Variants in CPEB1 observed in about 807,000 individuals in gnomAD.
CPEB1 encodes cytoplasmic polyadenylation element-binding protein 1.
CPEB1 carries 7 observed loss-of-function variants against 65.8 expected under a neutral mutation model. The ratio of observed to expected loss-of-function variants is 0.11; its 90% CI spans 0.06 to 0.20. CPEB1 has a LOEUF of 0.20. Ranked by LOEUF, CPEB1 falls within the 10% of genes least tolerant of loss-of-function variation. The pLI is 1.00. For missense variants in CPEB1, 551 were observed against 712.2 expected, an observed-to-expected ratio of 0.77 and a Z score of 2.58; for synonymous variants, 262 against 260.0, an observed-to-expected ratio of 1.01 and a Z score of -0.08.
chr15:82,602,551 T>G (rs898474621), intron 3 of CPEB1, among the ~76,000 whole-genome samples: 1 of 151,950 alleles, frequency 6.6e-6, no homozygotes, highest in Non-Finnish European at 1.5e-5. Context: ...CAGAAATATA[T>G]GTATATAAAA....
chr15:82,560,113 A>G (rs2037946969), intron 4 of CPEB1, among the ~76,000 whole-genome samples: 1 of 152,202 alleles, frequency 6.6e-6, no homozygotes, highest in Non-Finnish European at 1.5e-5. Context: ...CTCCTGCCTG[A>G]TAGAAATCCA....
intron 3 of CPEB1, among the ~76,000 whole-genome samples, chr15:82,576,564 C>T (rs1285097450): frequency 6.6e-6 from 1 of 152,154 alleles, no homozygotes; most frequent in East Asian, 1.9e-4. Flanking sequence ...GCAAATATGA[C>T]AAGATGTTCA....
rs555607448 is a variant in CPEB1 at position 82,557,657 on chromosome 15, C to A, written c.687+103G>T. The A allele has an allele frequency of 3.1e-4, 284 of 927,412 alleles. 3 individuals carry two copies. In the South Asian group the frequency reaches 4.1e-3, roughly 13 times the overall value. 57.4% of individuals were successfully genotyped at this position (927,412 alleles called of 1,614,324 possible). On this transcript the variant is annotated intron_variant, in intron 5 of 12. Coordinates refer to ENST00000684509, the MANE Select transcript of CPEB1 (RefSeq NM_001365242.1). ...TCCCCTCATCCCATCTCCCAGCCTG[C>A]ATTCCAGGGGACAGGCATCCCATAG...
chr15:82,575,151 A>C (rs28564198), intron 3 of CPEB1, among the ~76,000 whole-genome samples: 220 of 152,348 alleles, frequency 1.4e-3, no homozygotes, highest in African/African-American at 5.1e-3. Context: ...TCAAAAACCA[A>C]AGTTGAACCA....
intron 3 of CPEB1, among the ~76,000 whole-genome samples, chr15:82,609,010 G>T (rs989407611): frequency 1.3e-5 from 2 of 152,030 alleles, no homozygotes; most frequent in African/African-American, 4.8e-5. Flanking sequence ...AACCACAAAA[G>T]AACAGAATTA....
At chr15:82,633,994 T>C (rs1055674578) in intron 1 of CPEB1, among the ~76,000 whole-genome samples, 15 of 151,476 alleles carry the variant, frequency 9.9e-5, no homozygotes, top group African/African-American at 3.4e-4. Context: ...TAGCACCTAC[T>C]TTGCAGACTT....
intron 1 of CPEB1, among the ~76,000 whole-genome samples, chr15:82,642,381 A>G (rs1163780973): frequency 2.0e-5 from 3 of 152,126 alleles, no homozygotes; most frequent in Non-Finnish European, 4.4e-5. Flanking sequence ...CCCCATCTCA[A>G]AGAAAAAATT....
chr15:82,582,064 A>G (rs566022553), intron 3 of CPEB1, among the ~76,000 whole-genome samples: 1 of 152,344 alleles, frequency 6.6e-6, no homozygotes, highest in East Asian at 1.9e-4. Context: ...CTTTCTCATA[A>G]CTGGCAACTC....
At chr15:82,578,348 T>TATATAATACAGAACTAAATCATATTATAA (rs2040887488) in intron 3 of CPEB1, among the ~76,000 whole-genome samples, 1 of 152,166 alleles carries the variant, frequency 6.6e-6, no homozygotes, top group African/African-American at 2.4e-5. Flanking sequence ...ATGACTAATT[T>TATATAATACAGAACTAAATCATATTATAA]TTTGCACAGA....
At chr15:82,589,793 C>T (rs1322184713) in intron 3 of CPEB1, among the ~76,000 whole-genome samples, 5 of 152,078 alleles carry the variant, frequency 3.3e-5, no homozygotes, top group Admixed American at 2.0e-4. Context: ...TTCAACCAAC[C>T]GCAGATCAAA....
intron 1 of CPEB1, among the ~76,000 whole-genome samples, chr15:82,641,042 A>C (rs1326602864): frequency 6.6e-6 from 1 of 152,210 alleles, no homozygotes; most frequent in African/African-American, 2.4e-5. Flanking sequence ...CGTGGGTTCA[A>C]GTTCTGTCTC....
intron 3 of CPEB1, among the ~76,000 whole-genome samples, chr15:82,617,018 A>C (rs1018348551): frequency 6.6e-6 from 1 of 152,142 alleles, no homozygotes; most frequent in Non-Finnish European, 1.5e-5. Flanking sequence ...ACTTATCGTC[A>C]AGTTCTGCCC....
At chr15:82,560,396 ATTTGT>A (rs2037987383) in intron 4 of CPEB1, among the ~76,000 whole-genome samples, 2 of 138,506 alleles carry the variant, frequency 1.4e-5, no homozygotes, top group Admixed American at 1.5e-4. Context: ...TCTTATTGTC[ATTTGT>A]TTTTTTTTTT....
chr15:82,605,893 C>T (rs1419673132), intron 3 of CPEB1, among the ~76,000 whole-genome samples: 2 of 151,824 alleles, frequency 1.3e-5, no homozygotes, highest in African/African-American at 4.8e-5. Flanking sequence ...ACAAAATTAG[C>T]CAGGTGTGAT....
Position 82,627,328 on chromosome 15 carries a change from G to A in CPEB1, c.136C>T (p.Gln46Ter), listed in dbSNP as rs1382239197. ...AGRIKDCWDN[Q>*]EAPALSTCSN... ...CACGTGGAGAGAGCAGGTGCTTCCT[G>A]GTTGTCCCAGCAATCTTTTATCCTT... The change falls in exon 3 of 13, where the codon CAG (glutamine) becomes TAG (stop). Residue 46 changes from glutamine to a stop codon, truncating the protein, a stop_gained. Coordinates refer to ENST00000684509, the MANE Select transcript of CPEB1 (RefSeq NM_001365242.1). LOFTEE classifies it high-confidence loss of function. The A allele has an allele frequency of 6.2e-7, 1 of 1,612,998 alleles. No homozygotes were observed. The highest frequency in any genetic ancestry group is 1.3e-5 in the African/African-American group (1 of 74,968).
At chr15:82,602,909 C>CA (rs201472709) in intron 3 of CPEB1, among the ~76,000 whole-genome samples, 2,722 of 151,914 alleles carry the variant, frequency 0.018, 30 homozygotes, top group Non-Finnish European at 0.026. Flanking sequence ...AGTGAAATGG[C>CA]GAATAAGGAC....
Position 82,552,628 on chromosome 15 carries a change from G to T in CPEB1, c.1145-12C>A. 4 of 1,613,854 alleles carry T rather than the reference G, an allele frequency of 2.5e-6. No homozygotes were observed. In the South Asian group the frequency reaches 4.4e-5, roughly 18 times the overall value. On this transcript the variant is annotated splice_polypyrimidine_tract_variant and intron_variant, in intron 8 of 12. Coordinates refer to ENST00000684509, the MANE Select transcript of CPEB1 (RefSeq NM_001365242.1). ...CAGATACACATACCCTATTCCCAATGAGAGGAAAAATCGCATTAATATCCC... is the reference window on the plus strand; with the variant it reads ...CAGATACACATACCCTATTCCCAATTAGAGGAAAAATCGCATTAATATCCC...
At chr15:82,638,778 A>C (rs1417597216) in intron 1 of CPEB1, 1 of 152,230 alleles carries the variant, frequency 6.6e-6, no homozygotes, top group East Asian at 1.9e-4. Flanking sequence ...CAGAATATTA[A>C]AGGCATATAT....
chr15:82,603,917 C>T (rs755934249), intron 3 of CPEB1, among the ~76,000 whole-genome samples: 3 of 152,028 alleles, frequency 2.0e-5, no homozygotes, highest in Non-Finnish European at 4.4e-5. Flanking sequence ...ATTTTCAAGA[C>T]AAAATTTATA....
Sources: gnomAD v4.1 joint callset for allele counts (sites outside exome capture counted in the v4.1 genomes callset) on GRCh38, gnomAD v4.1.1 for gene constraint, MANE v1.5 for transcripts, NCBI Gene and HGNC (gene_info 2026-07-23, HGNC 2026-07-21) for gene names.